Variants in ENOSF1 observed in about 807,000 individuals in gnomAD.
ENOSF1 encodes mitochondrial enolase superfamily member 1.
A neutral mutation model predicts 68.2 loss-of-function variants in ENOSF1; 73 were observed. The observed-to-expected ratio is 1.07, with a 90% CI of 0.89 to 1.30. The LOEUF is 1.30. Among genes scored for constraint, ENOSF1 ranks in the 50% most tolerant of loss-of-function variants. The pLI is 0.00. For missense variants in ENOSF1, 589 were observed against 554.5 expected (o/e 1.06, Z -0.62); for synonymous variants, 223 against 210.4 (o/e 1.06, Z -0.52).
At chr18:695,931 A>AGG (rs2077663378) in intron 3 of ENOSF1, among the ~76,000 whole-genome samples, 1 of 152,210 alleles carries the variant, frequency 6.6e-6, no homozygotes, top group Admixed American at 6.5e-5. Context: ...GGCACTATTG[A>AGG]AAGTACATTC....
chr18:689,005 C>A (rs1242778479), intron 8 of ENOSF1, among the ~76,000 whole-genome samples: 1 of 152,146 alleles, frequency 6.6e-6, no homozygotes, highest in African/African-American at 2.4e-5. Flanking sequence ...AATAAATCCA[C>A]CATGTGCCGA....
intron 11 of ENOSF1, among the ~76,000 whole-genome samples, chr18:682,689 T>A (rs1262402756): frequency 7.5e-6 from 1 of 133,586 alleles, no homozygotes; most frequent in Non-Finnish European, 1.5e-5. Context: ...GCCAATGTGG[T>A]GAAACCTCAT....
chr18:670,477 A>G lies in ENOSF1; in HGVS notation c.*3828T>C. The G allele has an allele frequency of 1.8e-6, 1 of 554,786 alleles. No individual in the cohort carries two copies. Among genetic ancestry groups the G allele is most frequent in the Non-Finnish European group, 3.2e-6 (1 of 312,662 alleles). The allele number at this position is 554,786 out of a possible 1,614,324, so 34.4% of individuals were successfully genotyped here. ...TGGAAGAGCATTGCTTCAGCCGTAA[A>G]TGGACACCTGCAGAAACCTTGCACC... is the stretch of plus-strand genomic sequence containing the variant. On this transcript the variant is annotated 3_prime_UTR_variant, in exon 16 of 16. Coordinates refer to ENST00000647584, the MANE Select transcript of ENOSF1 (RefSeq NM_017512.7).
intron 3 of ENOSF1, 50 bp downstream of exon 3, chr18:697,190 G>A: frequency 8.1e-7 from 1 of 1,234,500 alleles, no homozygotes; most frequent in Non-Finnish European, 1.2e-6. Context: ...GGACATCTCA[G>A]ACCTTGGTAA....
chr18:664,245 G>A, the ENOSF1 span, among the ~76,000 whole-genome samples: 2 of 151,790 alleles, frequency 1.3e-5, no homozygotes, highest in Admixed American at 1.3e-4. Context: ...CCCTTTTAAG[G>A]TGGATTCCTA....
At chr18:690,929 C>A in intron 7 of ENOSF1, 139 bp downstream of exon 7, 1 of 1,196,786 alleles carries the variant, frequency 8.4e-7, no homozygotes, top group Non-Finnish European at 1.2e-6. Flanking sequence ...CTTCACCATG[C>A]AGACTTGAAT....
chr18:679,923 A>G (rs1366409245), intron 11 of ENOSF1, among the ~76,000 whole-genome samples: 1 of 152,186 alleles, frequency 6.6e-6, no homozygotes, highest in Non-Finnish European at 1.5e-5. Context: ...GTGCTGTGCA[A>G]AACACTGACT....
intron 3 of ENOSF1, among the ~76,000 whole-genome samples, chr18:694,672 C>T (rs999941094): frequency 5.9e-5 from 9 of 151,842 alleles, no homozygotes; most frequent in South Asian, 2.1e-4. Flanking sequence ...TTAGGTCTTC[C>T]GTCCAGGGAC....
Position 712,554 on chromosome 18 carries a change from G to A in ENOSF1, c.34C>T (p.Arg12Trp), listed in dbSNP as rs137857534. 1.7e-3 allele frequency: 2,635 copies of A among 1,537,296 alleles called. 49 individuals are homozygous for A. The African/African-American group carries it at 0.031, about 18-fold the overall frequency. The change falls in exon 1 of 16, where the codon CGG becomes TGG. Residue 12 changes from arginine (R) to tryptophan (W), a missense_variant. Coordinates refer to ENST00000647584, the MANE Select transcript of ENOSF1 (RefSeq NM_017512.7). ...AGCGACGTGGGGAAGCGCACGTCCC[G>A]GACCGAGAGCCGGGAGATCCTGCCG... ...VRGRISRLSV[R>W]DVRFPTSLGG...
chr18:691,867 GCAAA>G (rs897172670), intron 5 of ENOSF1: 9 of 153,138 alleles, frequency 5.9e-5, no homozygotes, highest in African/African-American at 1.9e-4. Context: ...CTGGCCCCAG[GCAAA>G]CACTCAGCAG....
intron 11 of ENOSF1, 110 bp downstream of exon 11, chr18:683,136 A>AG: frequency 7.5e-7 from 1 of 1,337,146 alleles, no homozygotes; most frequent in Non-Finnish European, 1.0e-6. Flanking sequence ...AGCTACTTCA[A>AG]CAGGAAATGC....
At chr18:675,243 C>T in intron 15 of ENOSF1, 78 bp downstream of exon 15, 2 of 1,102,886 alleles carry the variant, frequency 1.8e-6, no homozygotes, top group Non-Finnish European at 2.7e-6. Context: ...GCTTGGTGCT[C>T]CACAGTCTAG....
At position 693,467 on chromosome 18, in the gene ENOSF1, G is replaced by A. The variant is rs1393281871; in HGVS notation, c.423+415C>T. On this transcript the variant is annotated intron_variant, in intron 5 of 15. Coordinates refer to ENST00000647584, the MANE Select transcript of ENOSF1 (RefSeq NM_017512.7). ...TGGGATTACAGGCTTGAGCCACCAT[G>A]CCTGGCCTGGATAATATCTTCATAA... The A allele has an allele frequency of 3.0e-6, 3 of 985,160 alleles. No individual in the cohort carries two copies. The Admixed American group carries it at 1.8e-4, about 61-fold the overall frequency. 61.0% of individuals were successfully genotyped at this position (985,160 alleles called of 1,614,324 possible).
At chr18:691,519 T>G in intron 5 of ENOSF1, 1 of 430,924 alleles carries the variant, frequency 2.3e-6, no homozygotes. Flanking sequence ...CTAATTTATT[T>G]TTATTTTTGT....
downstream of ENOSF1, among the ~76,000 whole-genome samples, chr18:667,481 TGATGGTGATGGTGATGGA>T (rs2074874310): frequency 3.6e-4 from 8 of 22,192 alleles, 1 homozygote; most frequent in Non-Finnish European, 5.5e-4. Context: ...ATGGTGATGG[TGATGGTGATGGTGATGGA>T]GATGGTGATG....
chr18:680,381 G>A (rs1337301597), intron 11 of ENOSF1, among the ~76,000 whole-genome samples: 1 of 152,156 alleles, frequency 6.6e-6, no homozygotes, highest in Non-Finnish European at 1.5e-5. Flanking sequence ...AGGGAGAAAC[G>A]GAGGAAGGGG....
chr18:689,692 G>A (rs890266651), intron 8 of ENOSF1, among the ~76,000 whole-genome samples: 6 of 151,928 alleles, frequency 3.9e-5, no homozygotes, highest in African/African-American at 1.5e-4. Flanking sequence ...TGCCCCCATC[G>A]CTGCCCCCCT....
At chr18:702,689 T>A (rs2078490579) in intron 2 of ENOSF1, among the ~76,000 whole-genome samples, 1 of 149,674 alleles carries the variant, frequency 6.7e-6, no homozygotes, top group Non-Finnish European at 1.5e-5. Flanking sequence ...GTATGAGCCG[T>A]GATTGCACCA....
chr18:668,975 C>A, downstream of ENOSF1: 2 of 998,378 alleles, frequency 2.0e-6, no homozygotes, highest in Non-Finnish European at 3.0e-6. Context: ...CAAGGGGGGA[C>A]CCTGGGTAAG....
Sources: allele counts gnomAD v4.1 joint callset (sites outside exome capture counted in the v4.1 genomes callset), GRCh38; gene constraint gnomAD v4.1.1; transcripts MANE v1.5; gene names NCBI Gene and HGNC (gene_info 2026-07-23, HGNC 2026-07-21).